Variants in FMO2 observed in about 807,000 individuals in gnomAD.
FMO2 encodes the protein flavin containing dimethylaniline monoxygenase 2, also known as flavin-containing monooxygenase 2.
FMO2 carries 33 observed loss-of-function variants against 41.6 expected under a neutral mutation model. The ratio of observed to expected loss-of-function variants is 0.79; its 90% CI spans 0.60 to 1.06. FMO2 has a LOEUF of 1.06. Among genes scored for constraint, FMO2 ranks in the 50% least tolerant of loss-of-function variants. The pLI is 0.00. For synonymous variants in FMO2, 214 were observed against 219.6 expected, an observed-to-expected ratio of 0.97 and a Z score of 0.23; for missense variants, 619 against 632.9, an observed-to-expected ratio of 0.98 and a Z score of 0.23.
intron 5 of FMO2, 129 bp downstream of exon 5, chr1:171,199,617 A>G (rs1473777149): frequency 1.2e-6 from 1 of 840,864 alleles, no homozygotes; most frequent in Non-Finnish European, 1.8e-6. Flanking sequence ...TTGTGGCATC[A>G]TAGAAAATCT....
chr1:171,199,440 A>T lies in FMO2; in HGVS notation c.579A>T (p.Gly193=). The change falls in exon 5 of 9, where the codon GGA becomes GGT. Residue 193 remains glycine, a synonymous_variant. Coordinates refer to ENST00000209929, the MANE Select transcript of FMO2 (RefSeq NM_001460.5). ...EGKRILVIGM[G]NSGSDIAVEL... ...AACGCATCCTGGTGATTGGAATGGG[A>T]AACTCAGGCTCAGATATTGCTGTTG... 6.2e-7 allele frequency: 1 copy of T among 1,613,072 alleles called. No individual in the cohort carries two copies. Among genetic ancestry groups the T allele is most frequent in the Non-Finnish European group, 8.5e-7 (1 of 1,179,536 alleles).
rs181879525 is a variant in FMO2 at position 171,205,541 on chromosome 1, T to C, written c.1090T>C (p.Ser364Pro). Residue 364 changes from serine (S) to proline (P), a missense_variant, in exon 7 of 9, where the codon TCA (serine) becomes CCA (proline). Ser to Pro is a moderately conservative substitution (Grantham distance 74). Coordinates refer to ENST00000209929, the MANE Select transcript of FMO2 (RefSeq NM_001460.5). ...CATATTCCCCGCTCACCTGGACAAG[T>C]CAACCCTCGCGTGCATTGGTCTCAT... ...KYIFPAHLDKSTLACIGLIQP... is the reference protein window; with the variant it reads ...KYIFPAHLDKPTLACIGLIQP... 1 of 1,613,920 alleles carries C rather than the reference T, an allele frequency of 6.2e-7. No homozygotes were observed. Among genetic ancestry groups the C allele is most frequent in the East Asian group, 2.2e-5 (1 of 44,870 alleles).
chr1:171,212,201 T>A lies in FMO2; in HGVS notation c.*3056T>A, dbSNP rs1659010022. Among the ~76,000 whole-genome samples, 1 of 152,170 alleles carries A rather than the reference T, an allele frequency of 6.6e-6. No homozygotes were observed. The highest frequency in any genetic ancestry group is 1.5e-5 in the Non-Finnish European group (1 of 68,034). On this transcript the variant is annotated 3_prime_UTR_variant, in exon 9 of 9. Transcript: ENST00000209929. ...TGATTAGGTGAAGTCTCTGCCCTCA[T>A]GAAAAGATTAATCCCATTATCTCAG...
At chr1:171,201,566 C>T (rs1408014009) in intron 5 of FMO2, among the ~76,000 whole-genome samples, 2 of 152,154 alleles carry the variant, frequency 1.3e-5, no homozygotes, top group Non-Finnish European at 2.9e-5. Flanking sequence ...GTGCACTGCT[C>T]TGTTAAAAGA....
chr1:171,188,017 G>T (rs1657923957), intron 2 of FMO2, among the ~76,000 whole-genome samples: 1 of 141,504 alleles, frequency 7.1e-6, no homozygotes, highest in Non-Finnish European at 1.5e-5. Context: ...TTCACATGTA[G>T]ATTTCAGCTG....
intron 3 of FMO2, 61 bp from the exon 4 acceptor site, chr1:171,196,588 A>G (rs865945705): frequency 1.3e-6 from 2 of 1,501,408 alleles, no homozygotes; most frequent in Admixed American, 3.4e-5. Flanking sequence ...TGAGAAAGAC[A>G]CACTTGGCCA....
At chr1:171,199,159 A>G (rs1001943481) in intron 4 of FMO2, 187 bp from the exon 5 acceptor site, 8 of 468,648 alleles carry the variant, frequency 1.7e-5, no homozygotes, top group Non-Finnish European at 2.6e-5. Context: ...TAGGCCTCCC[A>G]AAGGGCTGGG....
intron 2 of FMO2, among the ~76,000 whole-genome samples, chr1:171,189,747 C>G (rs1658005718): frequency 6.7e-6 from 1 of 149,256 alleles, no homozygotes; most frequent in African/African-American, 2.5e-5. Flanking sequence ...CAACCTCCAT[C>G]CCCCGGGTTC....
At position 171,203,847 on chromosome 1, in the gene FMO2, T is replaced by C. The variant is rs745625469; in HGVS notation, c.628-18T>C. ...GGACAATGCCCTAATTTAAACTGCA[T>C]TTCTTTTTGCTTGCCAGGTTTTTAT... On this transcript the variant is annotated intron_variant, in intron 5 of 8. Coordinates refer to ENST00000209929, the MANE Select transcript of FMO2 (RefSeq NM_001460.5). The C allele has an allele frequency of 1.2e-6, 2 of 1,612,116 alleles. No homozygotes were observed. The highest frequency in any genetic ancestry group is 1.7e-6 in the Non-Finnish European group (2 of 1,178,654).
intron 1 of FMO2, 63 bp from the exon 2 acceptor site, chr1:171,185,642 ACAT>A (rs1210097352): frequency 5.1e-5 from 77 of 1,519,918 alleles, no homozygotes; most frequent in Admixed American, 2.5e-4. Flanking sequence ...TTACCTGAGC[ACAT>A]CATAAGGATT....
chr1:171,190,672 A>G (rs1469088594), intron 2 of FMO2, among the ~76,000 whole-genome samples: 1 of 152,240 alleles, frequency 6.6e-6, no homozygotes, highest in Non-Finnish European at 1.5e-5. Flanking sequence ...CATTTGATAC[A>G]TACTTGTCTA....
rs957376410 is a variant in FMO2, at chr1:171,209,944, G to T, written c.*799G>T. 2 of 152,150 alleles carry T rather than the reference G, an allele frequency of 1.3e-5. No homozygotes were observed. Among genetic ancestry groups the T allele is most frequent in the Non-Finnish European group, 2.9e-5 (2 of 68,028 alleles). The allele number at this position is 152,150 out of a possible 1,614,324, so 9.4% of individuals were successfully genotyped here. A position where few individuals can be genotyped will look rare whatever the true frequency, so the allele number is the denominator to read the frequency against. Reference sequence around the variant, plus strand: ...TCACAGATGATGAAACTAAGATTCAGAGCAGCTGATCTTGTGAGGCAGCTG... The same window carrying T: ...TCACAGATGATGAAACTAAGATTCATAGCAGCTGATCTTGTGAGGCAGCTG... On this transcript the variant is annotated 3_prime_UTR_variant, in exon 9 of 9. Transcript: ENST00000209929.
intron 6 of FMO2, among the ~76,000 whole-genome samples, chr1:171,205,061 G>A (rs925308984): frequency 7.9e-5 from 12 of 152,104 alleles, no homozygotes; most frequent in South Asian, 6.2e-4. Context: ...TTTCACTCAC[G>A]TTGCCTACAT....
intron 3 of FMO2, among the ~76,000 whole-genome samples, chr1:171,194,139 T>G (rs1159865059): frequency 6.6e-6 from 1 of 152,246 alleles, no homozygotes; most frequent in Non-Finnish European, 1.5e-5. Context: ...TCATTTGCCT[T>G]GAAAGGGCGT....
chr1:171,196,251 AATAACAAGGGTG>A (rs1272037081), intron 3 of FMO2, among the ~76,000 whole-genome samples: 1 of 152,244 alleles, frequency 6.6e-6, no homozygotes, highest in East Asian at 1.9e-4. Flanking sequence ...TATAAAGAGC[AATAACAAGGGTG>A]ATGCCAGTCT....
rs1283032213 is a variant in FMO2, at chr1:171,211,636, T to C, written c.*2491T>C. ...TCTTTGAAAAATGTAAATAGTTTAT[T>C]TATAGAGAACCCTACCTCTGAGGTT... On this transcript the variant is annotated 3_prime_UTR_variant, in exon 9 of 9. Coordinates refer to ENST00000209929, the MANE Select transcript of FMO2 (RefSeq NM_001460.5). Among the ~76,000 whole-genome samples, 1 of 152,186 alleles carries C rather than the reference T, an allele frequency of 6.6e-6. No individual in the cohort carries two copies. Among genetic ancestry groups the C allele is most frequent in the Non-Finnish European group, 1.5e-5 (1 of 68,014 alleles).
At chr1:171,189,162 T>C (rs1227678695) in intron 2 of FMO2, among the ~76,000 whole-genome samples, 1 of 152,190 alleles carries the variant, frequency 6.6e-6, no homozygotes, top group African/African-American at 2.4e-5. Context: ...CCTTCTCTGT[T>C]TCCTTTATTG....
chr1:171,197,961 A>G (rs547167595), intron 4 of FMO2, among the ~76,000 whole-genome samples: 2 of 152,314 alleles, frequency 1.3e-5, no homozygotes, highest in South Asian at 2.1e-4. Flanking sequence ...TCCTTCCCCT[A>G]TAAAATATTC....
intron 4 of FMO2, among the ~76,000 whole-genome samples, chr1:171,197,477 A>C (rs527359182): frequency 6.6e-6 from 1 of 152,180 alleles, no homozygotes; most frequent in African/African-American, 2.4e-5. Flanking sequence ...TACAGTCAGG[A>C]TTAAGGCCTG....
Sources: allele counts gnomAD v4.1 joint callset (sites outside exome capture counted in the v4.1 genomes callset), GRCh38; gene constraint gnomAD v4.1.1; transcripts MANE v1.5; gene names NCBI Gene and HGNC (gene_info 2026-07-23, HGNC 2026-07-21).